ESRRG: variants seen among roughly 807,000 people sequenced by gnomAD.
The protein encoded by ESRRG is estrogen related receptor gamma.
Under a neutral mutation model 44.0 loss-of-function variants are expected in ESRRG, and 13 were observed. That is an observed-to-expected ratio of 0.30 (90% CI 0.19 to 0.47). The LOEUF (loss-of-function observed/expected upper bound fraction) is 0.47, where lower values mean the gene tolerates loss of function less well. Among genes scored for constraint, ESRRG ranks in the 20% least tolerant of loss-of-function variants. ESRRG has a pLI of 1.00. For missense variants in ESRRG, 395 were observed against 580.6 expected (o/e 0.68, Z 3.29); for synonymous variants, 215 against 214.6 (o/e 1.00, Z -0.02).
chr1:216,511,577 A>ACACACACACACACACACACAC (rs1553275806), intron 6 of ESRRG, among the ~76,000 whole-genome samples: 1 of 151,982 alleles, frequency 6.6e-6, no homozygotes, highest in Non-Finnish European at 1.5e-5. Flanking sequence ...ACAAATACAC[A>ACACACACACACACACACACAC]ATGAGGTCTA....
At chr1:216,531,868 A>C (rs1164825767) in intron 5 of ESRRG, among the ~76,000 whole-genome samples, 1 of 152,062 alleles carries the variant, frequency 6.6e-6, no homozygotes, top group Non-Finnish European at 1.5e-5. Flanking sequence ...TGGAGAGTGC[A>C]TTTACCTTTG....
chr1:216,752,452 A>G (rs1296438286), intron 2 of ESRRG, among the ~76,000 whole-genome samples: 1 of 152,146 alleles, frequency 6.6e-6, no homozygotes, highest in Non-Finnish European at 1.5e-5. Context: ...TGAAGTTGAT[A>G]AAATGCCAGA....
chr1:216,967,730 T>C (rs1236422214), intron 1 of ESRRG, among the ~76,000 whole-genome samples: 1 of 152,236 alleles, frequency 6.6e-6, no homozygotes, highest in Non-Finnish European at 1.5e-5. Context: ...GCACAAGTTT[T>C]CAGCTTATTT....
chr1:216,564,702 C>T (rs968361123), intron 4 of ESRRG, among the ~76,000 whole-genome samples: 1 of 151,886 alleles, frequency 6.6e-6, no homozygotes, highest in African/African-American at 2.4e-5. Context: ...TGGGTTTGTG[C>T]TTTGATTCTT....
chr1:217,060,320 G>A (rs1354766018), intron 1 of ESRRG, among the ~76,000 whole-genome samples: 1 of 152,058 alleles, frequency 6.6e-6, no homozygotes, highest in Non-Finnish European at 1.5e-5. Context: ...GGAAAATAAT[G>A]TTAGCAAATC....
intron 1 of ESRRG, among the ~76,000 whole-genome samples, chr1:217,135,450 A>G (rs2093035374): frequency 6.6e-6 from 1 of 152,060 alleles, no homozygotes; most frequent in Non-Finnish European, 1.5e-5. Context: ...AAGGGGGAGG[A>G]GGGACAAGAG....
At chr1:216,552,886 T>G (rs941264853) in intron 5 of ESRRG, among the ~76,000 whole-genome samples, 6 of 152,202 alleles carry the variant, frequency 3.9e-5, no homozygotes, top group African/African-American at 1.4e-4. Flanking sequence ...ACATTTATTA[T>G]AAAGCTCTCT....
At chr1:216,902,615 A>G (rs187705505) in intron 2 of ESRRG, among the ~76,000 whole-genome samples, 13 of 152,312 alleles carry the variant, frequency 8.5e-5, no homozygotes, top group African/African-American at 3.1e-4. Context: ...TCAATGCTGG[A>G]CCCATTCTTA....
At chr1:217,079,247 C>T (rs929227273) in intron 1 of ESRRG, among the ~76,000 whole-genome samples, 3 of 152,164 alleles carry the variant, frequency 2.0e-5, no homozygotes, top group Non-Finnish European at 2.9e-5. Context: ...CCTCACTGTC[C>T]TTCCTTTCTC....
intron 3 of ESRRG, among the ~76,000 whole-genome samples, chr1:216,611,114 A>G (rs1475468268): frequency 6.9e-6 from 1 of 145,648 alleles, no homozygotes; most frequent in Non-Finnish European, 1.5e-5. Flanking sequence ...GAGGCAGGAG[A>G]GTCTCTTGAA....
chr1:216,721,027 C>T (rs1187455544), intron 1 of ESRRG, among the ~76,000 whole-genome samples: 2 of 152,212 alleles, frequency 1.3e-5, no homozygotes, highest in East Asian at 1.9e-4. Flanking sequence ...AATGATTAGA[C>T]TGACACATAT....
intron 1 of ESRRG, among the ~76,000 whole-genome samples, chr1:216,973,598 G>A (rs924321173): frequency 4.6e-5 from 7 of 152,042 alleles, no homozygotes; most frequent in Admixed American, 2.0e-4. Flanking sequence ...AGGCCGAGGC[G>A]GGTGGATCAC....
chr1:216,513,636 T>A (rs760163113), intron 6 of ESRRG, among the ~76,000 whole-genome samples: 1 of 152,116 alleles, frequency 6.6e-6, no homozygotes, highest in Non-Finnish European at 1.5e-5. Context: ...ATGGTCGTGG[T>A]TGTAGTTTCT....
At chr1:217,048,722 C>A (rs2151207750) in intron 1 of ESRRG, among the ~76,000 whole-genome samples, 1 of 152,168 alleles carries the variant, frequency 6.6e-6, no homozygotes, top group African/African-American at 2.4e-5. Flanking sequence ...TCCCTGTTAC[C>A]CACTGGAGTC....
At chr1:217,042,900 G>A (rs2084139221) in intron 1 of ESRRG, among the ~76,000 whole-genome samples, 1 of 152,056 alleles carries the variant, frequency 6.6e-6, no homozygotes, top group Non-Finnish European at 1.5e-5. Context: ...TCCTAGTGAA[G>A]AAAGCCATGA....
intron 1 of ESRRG, among the ~76,000 whole-genome samples, chr1:217,111,574 T>C (rs958087601): frequency 1.3e-5 from 2 of 152,222 alleles, no homozygotes; most frequent in Non-Finnish European, 2.9e-5. Flanking sequence ...CAAGACTTCA[T>C]AAACTTCAGA....
chr1:216,700,905 A>G (rs2081271462), intron 1 of ESRRG, among the ~76,000 whole-genome samples: 1 of 152,328 alleles, frequency 6.6e-6, no homozygotes, highest in Middle Eastern at 3.4e-3. Context: ...AATTTCAGAA[A>G]GTGAATCCAG....
intron 1 of ESRRG, among the ~76,000 whole-genome samples, chr1:217,127,527 G>A (rs1190760819): frequency 6.6e-6 from 1 of 152,168 alleles, no homozygotes; most frequent in Admixed American, 6.6e-5. Flanking sequence ...ATAAGTATTT[G>A]TTGATTCAAT....
At chr1:217,072,586 C>T (rs1468970837) in intron 1 of ESRRG, among the ~76,000 whole-genome samples, 2 of 152,208 alleles carry the variant, frequency 1.3e-5, no homozygotes, top group Non-Finnish European at 2.9e-5. Flanking sequence ...AATGGCTAAG[C>T]ATCTTTCCCA....
Sources: allele counts gnomAD v4.1 joint callset (sites outside exome capture counted in the v4.1 genomes callset), GRCh38; gene constraint gnomAD v4.1.1; transcripts MANE v1.5; gene names NCBI Gene and HGNC (gene_info 2026-07-23, HGNC 2026-07-21).